PPP2R2B: variants seen among roughly 807,000 people sequenced by gnomAD.
PPP2R2B encodes the protein protein phosphatase 2 regulatory subunit Bbeta.
Under a neutral mutation model 46.0 loss-of-function variants are expected in PPP2R2B, and 5 were observed. That is an observed-to-expected ratio of 0.11 (90% CI 0.06 to 0.23). The LOEUF (loss-of-function observed/expected upper bound fraction) is 0.23, where lower values mean the gene tolerates loss of function less well. Among genes scored for constraint, PPP2R2B ranks in the 10% least tolerant of loss-of-function variants. PPP2R2B has a pLI of 1.00. For missense variants in PPP2R2B, 367 were observed against 575.0 expected (o/e 0.64, Z 3.70); for synonymous variants, 215 against 206.7 (o/e 1.04, Z -0.34).
chr5:147,014,955 T>C (rs1222058274), intron 1 of PPP2R2B, among the ~76,000 whole-genome samples: 2 of 152,120 alleles, frequency 1.3e-5, no homozygotes, highest in East Asian at 3.9e-4. Context: ...AGATATCTCA[T>C]TATGTATTTG....
At chr5:146,781,131 GATATATATAT>G (rs56697862) in intron 2 of PPP2R2B, among the ~76,000 whole-genome samples, 2,032 of 49,410 alleles carry the variant, frequency 0.041, 77 homozygotes, top group Non-Finnish European at 0.048. Context: ...ATGCCACCAT[GATATATATAT>G]ATATATATAT....
intron 2 of PPP2R2B, among the ~76,000 whole-genome samples, chr5:146,827,988 T>C (rs1758681044): frequency 6.7e-6 from 1 of 149,124 alleles, no homozygotes; most frequent in Non-Finnish European, 1.5e-5. Context: ...GGAGTCTCCA[T>C]GGCCTAGTTG....
At position 146,701,067 on chromosome 5, in the gene PPP2R2B, A is replaced by G; in HGVS notation, c.146T>C (p.Val49Ala). 6.2e-7 allele frequency: 1 copy of G among 1,613,460 alleles called. No homozygotes were observed. Among genetic ancestry groups the G allele is most frequent in the Non-Finnish European group, 8.5e-7 (1 of 1,179,356 alleles). Reference sequence around the variant, plus strand: ...TACCTCCTGCTCTCGTTGAAATATTACAACCCGACCCCCCTTGTCCCCTGT... The same window carrying G: ...TACCTCCTGCTCTCGTTGAAATATTGCAACCCGACCCCCCTTGTCCCCTGT... ...LATGDKGGRVVIFQREQESKN... is the reference protein window; with the variant it reads ...LATGDKGGRVAIFQREQESKN... The change falls in exon 3 of 10, where the codon GTA (valine) becomes GCA (alanine). Residue 49 changes from valine (V) to alanine (A), a missense_variant. By Grantham distance (64) the Val-to-Ala change is moderately conservative. This residue lies in a region of PPP2R2B where 361 missense variants were observed against 545.5 expected (regional missense o/e 0.66). Coordinates refer to ENST00000394411, the MANE Select transcript of PPP2R2B (RefSeq NM_181675.4).
intron 6 of PPP2R2B, among the ~76,000 whole-genome samples, chr5:146,638,783 C>T (rs556066142): frequency 6.6e-6 from 1 of 152,292 alleles, no homozygotes; most frequent in African/African-American, 2.4e-5. Flanking sequence ...GATTAAGGTA[C>T]TGGTCCTATT....
rs1372302570 is a variant in PPP2R2B at position 146,688,838 on chromosome 5, T to C, written c.447+2290A>G. Among the ~76,000 whole-genome samples the C allele has an allele frequency of 2.6e-5, 4 of 152,114 alleles. No individual in the cohort carries two copies. In the East Asian group the frequency reaches 7.7e-4, roughly 29 times the overall value. On this transcript the variant is annotated intron_variant, in intron 5 of 9. Transcript: ENST00000394411. ...TGTCATCTGAGAAATTCCATCCACA[T>C]AGCAAACAAGGGCAAGGTAAAGTCT...
At chr5:146,946,305 C>A (rs1764481203) in intron 1 of PPP2R2B, among the ~76,000 whole-genome samples, 1 of 152,094 alleles carries the variant, frequency 6.6e-6, no homozygotes, top group South Asian at 2.1e-4. Context: ...TGTCTTCCCC[C>A]TGTCCCCCCA....
At chr5:146,628,625 G>A (rs1774218940) in intron 7 of PPP2R2B, among the ~76,000 whole-genome samples, 1 of 152,204 alleles carries the variant, frequency 6.6e-6, no homozygotes, top group Admixed American at 6.5e-5. Flanking sequence ...GAGGAAGAAG[G>A]AAGGTCTGCC....
chr5:146,975,952 T>C (rs1484706276), intron 1 of PPP2R2B, among the ~76,000 whole-genome samples: 4 of 152,000 alleles, frequency 2.6e-5, no homozygotes, highest in Non-Finnish European at 5.9e-5. Context: ...TTGTGTCCTG[T>C]GATGCATGGA....
At chr5:147,040,442 G>C (rs187734153) in intron 1 of PPP2R2B, among the ~76,000 whole-genome samples, 11 of 152,198 alleles carry the variant, frequency 7.2e-5, no homozygotes, top group African/African-American at 2.6e-4. Flanking sequence ...GGAGGAGGCT[G>C]TTCCCAGCAG....
intron 6 of PPP2R2B, among the ~76,000 whole-genome samples, chr5:146,641,630 C>T (rs376829120): frequency 1.4e-4 from 21 of 150,254 alleles, no homozygotes; most frequent in African/African-American, 4.7e-4. Context: ...AGTCTAGTTG[C>T]TAAAAATTAA....
intron 6 of PPP2R2B, among the ~76,000 whole-genome samples, chr5:146,648,540 T>TC (rs770346687): frequency 4.6e-5 from 7 of 152,304 alleles, no homozygotes; most frequent in Non-Finnish European, 4.4e-5. Flanking sequence ...GTCAGAGTGT[T>TC]CCACGTACTG....
chr5:146,951,807 G>A (rs1751623488), intron 1 of PPP2R2B, among the ~76,000 whole-genome samples: 1 of 152,012 alleles, frequency 6.6e-6, no homozygotes, highest in South Asian at 2.1e-4. Context: ...TGTGAATAGT[G>A]TAGCAATGAA....
intron 7 of PPP2R2B, among the ~76,000 whole-genome samples, chr5:146,627,468 G>A (rs765149141): frequency 1.3e-5 from 2 of 152,130 alleles, no homozygotes; most frequent in Non-Finnish European, 2.9e-5. Context: ...GAATGAGAGT[G>A]GATTTTATGT....
intron 1 of PPP2R2B, among the ~76,000 whole-genome samples, chr5:146,987,499 A>T (rs1465637130): frequency 6.6e-6 from 1 of 152,116 alleles, no homozygotes; most frequent in Non-Finnish European, 1.5e-5. Context: ...AGATGAGTTA[A>T]AGAGTTTTAT....
chr5:146,967,979 C>G (rs1046374870), intron 1 of PPP2R2B, among the ~76,000 whole-genome samples: 13 of 152,180 alleles, frequency 8.5e-5, no homozygotes, highest in Non-Finnish European at 1.6e-4. Flanking sequence ...CTTATATAAG[C>G]CGCATGCACC....
chr5:146,642,461 A>G (rs530738019), intron 6 of PPP2R2B, among the ~76,000 whole-genome samples: 1 of 152,370 alleles, frequency 6.6e-6, no homozygotes, highest in South Asian at 2.1e-4. Context: ...TATTAGAAAA[A>G]GATTGACAAC....
intron 2 of PPP2R2B, among the ~76,000 whole-genome samples, chr5:146,796,009 A>G (rs111808212): frequency 0.015 from 2,350 of 152,220 alleles, 41 homozygotes; most frequent in African/African-American, 0.054. Flanking sequence ...TTTTGTCACT[A>G]TTGAACTCAG....
chr5:146,594,455 T>C (rs192495760), intron 8 of PPP2R2B, among the ~76,000 whole-genome samples: 2 of 152,340 alleles, frequency 1.3e-5, no homozygotes, highest in East Asian at 3.9e-4. Context: ...TTCTCTGTTT[T>C]GAAGGTAATC....
At chr5:146,967,251 C>T (rs974213226) in intron 1 of PPP2R2B, among the ~76,000 whole-genome samples, 3 of 152,186 alleles carry the variant, frequency 2.0e-5, no homozygotes, top group African/African-American at 7.2e-5. Flanking sequence ...AAGCCTTTCT[C>T]CCAAGCTAAA....
Sources: allele counts gnomAD v4.1 joint callset (sites outside exome capture counted in the v4.1 genomes callset), GRCh38; gene constraint gnomAD v4.1.1; regional missense constraint gnomAD v4.1.1; transcripts MANE v1.5; gene names NCBI Gene and HGNC (gene_info 2026-07-23, HGNC 2026-07-21).